TSTD2: variants seen among roughly 807,000 people sequenced by gnomAD.
TSTD2 encodes the protein thiosulfate sulfurtransferase like domain containing 2.
Under a neutral mutation model 47.9 loss-of-function variants are expected in TSTD2, and 37 were observed. The ratio of observed to expected loss-of-function variants is 0.77; its 90% CI spans 0.59 to 1.02. The LOEUF is 1.02. TSTD2 is among the 50% of genes least tolerant of loss of function. The pLI, the probability that TSTD2 is intolerant of heterozygous loss-of-function variation, is 0.00. For missense variants in TSTD2, 586 were observed against 616.0 expected (o/e 0.95, Z 0.52); for synonymous variants, 201 against 215.9 (o/e 0.93, Z 0.61).
At chr9:97,613,655 T>C (rs548055639) in intron 4 of TSTD2, among the ~76,000 whole-genome samples, 135 of 152,254 alleles carry the variant, frequency 8.9e-4, no homozygotes, top group Middle Eastern at 3.4e-3. Context: ...GGGCAGCACA[T>C]GTGGCATCAT....
chr9:97,614,580 GA>G (rs67387566), intron 4 of TSTD2, among the ~76,000 whole-genome samples: 21,647 of 152,136 alleles, frequency 0.14, 2,036 homozygotes, highest in Middle Eastern at 0.35. Flanking sequence ...ATCTGGAGAG[GA>G]CTACTTCAGA....
At chr9:97,613,480 C>T (rs931428420) in intron 4 of TSTD2, among the ~76,000 whole-genome samples, 1 of 151,732 alleles carries the variant, frequency 6.6e-6, no homozygotes, top group Non-Finnish European at 1.5e-5. Context: ...AAATGCTCCC[C>T]TGGTTAGGGG....
At chr9:97,605,023 A>T in intron 8 of TSTD2, 158 bp from the exon 9 acceptor site, 1 of 932,968 alleles carries the variant, frequency 1.1e-6, no homozygotes, top group Non-Finnish European at 1.3e-6. Flanking sequence ...ACACTGAGGA[A>T]TTGCTGACCA....
At position 97,633,300 on chromosome 9, in the gene TSTD2, T is replaced by C. The variant is rs531287586; in HGVS notation, c.-108A>G. On this transcript the variant is annotated 5_prime_UTR_variant, in exon 1 of 10. Transcript: ENST00000341170. ...TCCCTGCACTGTCTCCGCCTAGCAA[T>C]TGTCACTGCTCACCGCCCTCGAGCC... The C allele has an allele frequency of 2.4e-5, 7 of 289,006 alleles. No individual in the cohort carries two copies. The highest frequency in any genetic ancestry group is 2.9e-4 in the South Asian group (2 of 6,816). 17.9% of individuals were successfully genotyped at this position (289,006 alleles called of 1,614,324 possible). A position where few individuals can be genotyped will look rare whatever the true frequency, so the allele number is the denominator to read the frequency against.
intron 3 of TSTD2, among the ~76,000 whole-genome samples, chr9:97,619,239 C>T (rs866671066): frequency 7.9e-5 from 12 of 152,188 alleles, no homozygotes; most frequent in Non-Finnish European, 1.5e-4. Flanking sequence ...CTTTCTTGCT[C>T]CTTTCCAATA....
rs551072099 is a variant in TSTD2, at chr9:97,632,451, A to T, written c.-51+792T>A. On this transcript the variant is annotated intron_variant, in intron 1 of 9. Coordinates refer to ENST00000341170, the MANE Select transcript of TSTD2 (RefSeq NM_139246.5). The stretch of plus-strand genomic sequence containing the variant: ...GCAGTGTGCGATCACCGCTCACTGC[A>T]TTCTCGACCTCCTGGGCTCAAGGGA... Among the ~76,000 whole-genome samples the T allele has an allele frequency of 1.6e-4, 25 of 151,960 alleles. No homozygotes were observed. In the South Asian group the frequency reaches 5.0e-3, roughly 30 times the overall value.
chr9:97,626,128 T>C, intron 2 of TSTD2, 131 bp from the exon 3 acceptor site: 1 of 880,840 alleles, frequency 1.1e-6, no homozygotes, highest in Non-Finnish European at 1.7e-6. Flanking sequence ...TGTTATACAA[T>C]TCTCTGAGAA....
chr9:97,627,612 C>A lies in TSTD2; in HGVS notation c.-50G>T. ...AGATATTCCTTTCAGTTAAATACCT[C>A]CTAGAATATAAATAAGAAAGAAGCA... On this transcript the variant is annotated splice_region_variant and 5_prime_UTR_variant, in exon 2 of 10. Transcript: ENST00000341170. The A allele has an allele frequency of 6.8e-7, 1 of 1,461,948 alleles. No individual in the cohort carries two copies. Among genetic ancestry groups the A allele is most frequent in the Non-Finnish European group, 9.2e-7 (1 of 1,090,824 alleles). 90.6% of individuals were successfully genotyped at this position (1,461,948 alleles called of 1,614,324 possible). A position where few individuals can be genotyped will look rare whatever the true frequency, so the allele number is the denominator to read the frequency against.
chr9:97,624,447 C>A (rs1045186831), intron 3 of TSTD2, among the ~76,000 whole-genome samples: 1 of 152,130 alleles, frequency 6.6e-6, no homozygotes, highest in Non-Finnish European at 1.5e-5. Context: ...AATGAGATGA[C>A]TGCAAGTTCA....
Position 97,601,311 on chromosome 9 carries a change from G to A in TSTD2, c.*1158C>T, listed in dbSNP as rs1826253223. The A allele has an allele frequency of 1.7e-6, 2 of 1,161,290 alleles. No individual in the cohort carries two copies. The highest frequency in any genetic ancestry group is 1.1e-6 in the Non-Finnish European group (1 of 923,346). 71.9% of individuals were successfully genotyped at this position (1,161,290 alleles called of 1,614,324 possible). On this transcript the variant is annotated 3_prime_UTR_variant, in exon 10 of 10. Transcript: ENST00000341170. ...GACAGGGACATGTGCCTGGCACACTGGCCAGAAGACTGGGCAGCCACCATG... is the reference window on the plus strand; with the variant it reads ...GACAGGGACATGTGCCTGGCACACTAGCCAGAAGACTGGGCAGCCACCATG...
At chr9:97,615,715 G>A (rs1347690328) in intron 4 of TSTD2, among the ~76,000 whole-genome samples, 2 of 152,164 alleles carry the variant, frequency 1.3e-5, no homozygotes, top group Admixed American at 6.5e-5. Flanking sequence ...TGCTAATTTA[G>A]CACTTGGGTT....
chr9:97,607,700 C>T (rs946094849), intron 6 of TSTD2, among the ~76,000 whole-genome samples: 5 of 151,394 alleles, frequency 3.3e-5, no homozygotes, highest in African/African-American at 1.2e-4. Flanking sequence ...GTCAGGAGTT[C>T]AAGACCAGCC....
rs1826338373 is a variant in TSTD2 at position 97,604,828 on chromosome 9, A to G, written c.1151T>C (p.Ile384Thr). ...AGGAAACTCTTCCAGGTACTTGTGG[A>G]TGCCACCCTTGAGCTGGAACACCTC... is the stretch of plus-strand genomic sequence containing the variant. ...CKEVFQLKGG[I>T]HKYLEEFPDG... The change falls in exon 9 of 10, where the codon ATC becomes ACC. Residue 384 changes from isoleucine to threonine, a missense_variant. Transcript: ENST00000341170. The G allele has an allele frequency of 6.2e-7, 1 of 1,614,200 alleles. No individual in the cohort carries two copies. Among genetic ancestry groups the G allele is most frequent in the East Asian group, 2.2e-5 (1 of 44,890 alleles).
intron 6 of TSTD2, among the ~76,000 whole-genome samples, chr9:97,610,026 T>G (rs1826431084): frequency 6.6e-6 from 1 of 152,224 alleles, no homozygotes; most frequent in African/African-American, 2.4e-5. Context: ...AAGGCCTATT[T>G]GCTCTATTCT....
At chr9:97,608,544 G>A (rs547048186) in intron 6 of TSTD2, among the ~76,000 whole-genome samples, 39 of 152,258 alleles carry the variant, frequency 2.6e-4, no homozygotes, top group Admixed American at 2.4e-3. Context: ...GCTGAGGCAG[G>A]AGAATCGCTT....
chr9:97,611,475 T>C, intron 5 of TSTD2, 99 bp downstream of exon 5: 1 of 1,349,206 alleles, frequency 7.4e-7, no homozygotes, highest in Admixed American at 2.3e-5. Context: ...GGTATTTATT[T>C]GGCACTGCTT....
At chr9:97,628,419 A>G (rs1826756752) in intron 1 of TSTD2, among the ~76,000 whole-genome samples, 1 of 152,158 alleles carries the variant, frequency 6.6e-6, no homozygotes, top group African/African-American at 2.4e-5. Context: ...AAGGTTTCTG[A>G]GTTCTAAATC....
In TSTD2 at chr9:97,602,202, C is replaced by T. The variant is rs1190194697; in HGVS notation, c.*267G>A. On this transcript the variant is annotated 3_prime_UTR_variant, in exon 10 of 10. Coordinates refer to ENST00000341170, the MANE Select transcript of TSTD2 (RefSeq NM_139246.5). ...GGGCATATGCTGTGGCCACCAGGCT[C>T]AGGCTCTATCCCTCAGCAGCTTTGG... 7 of 442,892 alleles carry T rather than the reference C, an allele frequency of 1.6e-5. No homozygotes were observed. Among genetic ancestry groups the T allele is most frequent in the Admixed American group, 1.2e-4 (3 of 24,300 alleles). The allele number at this position is 442,892 out of a possible 1,614,324, so 27.4% of individuals were successfully genotyped here. A position where few individuals can be genotyped will look rare whatever the true frequency, so the allele number is the denominator to read the frequency against.
chr9:97,626,660 C>T (rs1009687953), intron 2 of TSTD2, among the ~76,000 whole-genome samples: 4 of 152,116 alleles, frequency 2.6e-5, no homozygotes, highest in Admixed American at 1.3e-4. Context: ...AATTAAAAGC[C>T]ATGTTGAATG....
Sources: allele counts gnomAD v4.1 joint callset (sites outside exome capture counted in the v4.1 genomes callset), GRCh38; gene constraint gnomAD v4.1.1; transcripts MANE v1.5; gene names NCBI Gene and HGNC (gene_info 2026-07-23, HGNC 2026-07-21).